The following LY75 variants were observed in gnomAD, a reference collection of about 807,000 sequenced individuals.
LY75 encodes the protein lymphocyte antigen 75, also known as C-type lectin domain family 13 member B.
Under a neutral mutation model 231.7 loss-of-function variants are expected in LY75, and 185 were observed. The observed-to-expected ratio is 0.80, with a 90% CI of 0.71 to 0.90. LY75 has a LOEUF of 0.90. Ranked by LOEUF, LY75 falls within the 40% of genes least tolerant of loss-of-function variation. The probability of loss-of-function intolerance (pLI) is 0.00; values close to 1 mark genes in which losing one functional copy is unlikely to be tolerated. For synonymous variants in LY75, 668 were observed against 689.0 expected (o/e 0.97, Z 0.48); for missense variants, 1,947 against 2,050.2 (o/e 0.95, Z 0.97).
At chr2:159,848,671 G>A (rs13426394) in intron 23 of LY75, among the ~76,000 whole-genome samples, 2 of 152,056 alleles carry the variant, frequency 1.3e-5, no homozygotes, top group African/African-American at 4.8e-5. Context: ...CAAGAAAACA[G>A]TGTATGGAAA....
rs1683135804 is a variant in LY75, at chr2:159,816,938, A to G, written c.4248T>C (p.Tyr1416=). The change falls in exon 30 of 35, where the codon TAT becomes TAC. Residue 1416 remains tyrosine (Y), a synonymous_variant. Coordinates refer to ENST00000263636, the MANE Select transcript of LY75 (RefSeq NM_002349.4). ...YSVIQKKVTW[Y]EALNMCSQSG... ...TTTGAGAACACATGTTTAATGCTTCATACCATGTTACCTTTTTTTGAATAA... is the reference window on the plus strand; with the variant it reads ...TTTGAGAACACATGTTTAATGCTTCGTACCATGTTACCTTTTTTTGAATAA... 1.9e-6 allele frequency: 3 copies of G among 1,614,190 alleles called. No homozygotes were observed. The East Asian group carries it at 6.7e-5, about 36-fold the overall frequency.
At chr2:159,812,141 T>C (rs1682979318) in intron 31 of LY75, 1 of 152,178 alleles carries the variant, frequency 6.6e-6, no homozygotes, top group African/African-American at 2.4e-5. Flanking sequence ...ACCTTTTTTT[T>C]TTTAACATTA....
intron 12 of LY75, among the ~76,000 whole-genome samples, chr2:159,874,229 TTGTAA>T (rs1342436419): frequency 7.2e-3 from 224 of 31,202 alleles, no homozygotes; most frequent in East Asian, 0.015. Context: ...TATAAATATA[TTGTAA>T]ATATATATAT....
intron 3 of LY75, among the ~76,000 whole-genome samples, chr2:159,893,320 T>A (rs1000998451): frequency 1.3e-5 from 2 of 152,222 alleles, no homozygotes; most frequent in Non-Finnish European, 2.9e-5. Context: ...ACCAATCCAC[T>A]CTTCGGTTTC....
chr2:159,825,872 A>C (rs1045189308), intron 28 of LY75, among the ~76,000 whole-genome samples: 4 of 152,214 alleles, frequency 2.6e-5, no homozygotes, highest in Admixed American at 6.5e-5. Context: ...TGATTATCTC[A>C]ATAGTTGCAG....
chr2:159,819,840 T>C lies in LY75; in HGVS notation c.4039A>G (p.Lys1347Glu), dbSNP rs778615587. ...TCAGTACTTAAACCAGCCAAAAACT[T>C]CTCATTTTTTATAGTTGGTCTTCCT... The part of the protein sequence containing the change: ...RAGRPTIKNE[K>E]FLAGLSTDGF... The change falls in exon 29 of 35, where the codon AAG becomes GAG. Residue 1347 changes from lysine (K) to glutamate (E), a missense_variant. By Grantham distance (56) the Lys-to-Glu change is moderately conservative. Transcript: ENST00000263636. The C allele has an allele frequency of 6.2e-7, 1 of 1,614,078 alleles. No individual in the cohort carries two copies. Among genetic ancestry groups the C allele is most frequent in the Admixed American group, 1.7e-5 (1 of 60,026 alleles).
In LY75 at chr2:159,899,045, T is replaced by C. The variant is rs532885292; in HGVS notation, c.109A>G (p.Thr37Ala). Residue 37 changes from threonine (T) to alanine (A), a missense_variant, in exon 2 of 35, where the codon ACC (threonine) becomes GCC (alanine). Transcript: ENST00000263636. The part of the protein sequence containing the change: ...PSGRAANDPF[T>A]IVHGNTGKCI... ...TTGCCCGTATTTCCATGGACGATGG[T>C]GAAGGGGTCATTAGCTGAGTCAAAT... 1 of 1,612,638 alleles carries C rather than the reference T, an allele frequency of 6.2e-7. No individual in the cohort carries two copies. Among genetic ancestry groups the C allele is most frequent in the African/African-American group, 1.3e-5 (1 of 74,996 alleles).
chr2:159,805,657 C>T (rs896876503), intron 34 of LY75, among the ~76,000 whole-genome samples: 1 of 152,224 alleles, frequency 6.6e-6, no homozygotes, highest in Non-Finnish European at 1.5e-5. Context: ...TTAAGTCTCT[C>T]AGATGAGTTC....
chr2:159,806,140 CAT>C (rs1464993902), intron 34 of LY75, among the ~76,000 whole-genome samples: 1 of 152,218 alleles, frequency 6.6e-6, no homozygotes, highest in Admixed American at 6.5e-5. Flanking sequence ...GTCTCCATCA[CAT>C]AGAGTTTATA....
intron 4 of LY75, among the ~76,000 whole-genome samples, chr2:159,888,278 C>T (rs909632615): frequency 6.6e-6 from 1 of 152,156 alleles, no homozygotes; most frequent in African/African-American, 2.4e-5. Context: ...ACTTGGAAGA[C>T]TGAGGTGGGA....
At chr2:159,837,112 C>A (rs1560073919) in intron 25 of LY75, among the ~76,000 whole-genome samples, 1 of 152,172 alleles carries the variant, frequency 6.6e-6, no homozygotes, top group Non-Finnish European at 1.5e-5. Flanking sequence ...AATAGAATTA[C>A]CATTCAACCC....
At position 159,898,102 on chromosome 2, in the gene LY75, CCTT is replaced by C. The variant is rs1235513122; in HGVS notation, c.466+583_466+585del. Among the ~76,000 whole-genome samples, 3 of 152,088 alleles carry C rather than the reference CCTT, an allele frequency of 2.0e-5. No individual in the cohort carries two copies. The East Asian group carries it at 5.8e-4, about 29-fold the overall frequency. On this transcript the variant is annotated intron_variant, in intron 2 of 34. Coordinates refer to ENST00000263636, the MANE Select transcript of LY75 (RefSeq NM_002349.4). Reference sequence around the variant, plus strand: ...GAAAAAATATATTTTTCCTCCTTCTCCTTCTTTTCTTTTTTAAGGATGGGTGTC... The same window carrying C: ...GAAAAAATATATTTTTCCTCCTTCTCCTTTTCTTTTTTAAGGATGGGTGTC...
intron 13 of LY75, among the ~76,000 whole-genome samples, chr2:159,868,340 GA>G (rs1462336289): frequency 6.6e-6 from 1 of 151,972 alleles, no homozygotes; most frequent in Non-Finnish European, 1.5e-5. Context: ...TTTATGATTA[GA>G]AAAAAATTAA....
chr2:159,894,107 G>A (rs1251199796), intron 2 of LY75, 23 bp from the exon 3 acceptor site: 27 of 1,569,664 alleles, frequency 1.7e-5, no homozygotes, highest in African/African-American at 4.1e-5. Context: ...GGAAGTTGGG[G>A]AAAAGAGAGT....
intron 33 of LY75, 120 bp downstream of exon 33, chr2:159,808,329 A>G: frequency 2.6e-6 from 4 of 1,543,868 alleles, no homozygotes; most frequent in Middle Eastern, 1.8e-4. Context: ...GACCTAGCTT[A>G]TTTATCCAGA....
chr2:159,878,176 G>T (rs1685328566), intron 11 of LY75, 148 bp downstream of exon 11: 1 of 1,098,740 alleles, frequency 9.1e-7, no homozygotes, highest in Non-Finnish European at 1.3e-6. Flanking sequence ...CATAGCCACT[G>T]CTTCTATTTA....
chr2:159,811,617 G>GT (rs1264051943), intron 31 of LY75, among the ~76,000 whole-genome samples: 1 of 152,022 alleles, frequency 6.6e-6, no homozygotes, highest in Non-Finnish European at 1.5e-5. Context: ...GGCTTTTTCT[G>GT]TTTTTTTCTC....
chr2:159,833,012 C>T (rs1007714442), intron 27 of LY75, among the ~76,000 whole-genome samples: 2 of 152,122 alleles, frequency 1.3e-5, no homozygotes, highest in Non-Finnish European at 2.9e-5. Flanking sequence ...TAGCTGCTGC[C>T]TTGTGGTGTA....
intron 7 of LY75, 71 bp from the exon 8 acceptor site, chr2:159,881,311 A>T (rs1685430191): frequency 4.7e-6 from 7 of 1,474,170 alleles, no homozygotes; most frequent in Non-Finnish European, 6.3e-6. Flanking sequence ...TGTTATACAA[A>T]TTTTTATATT....
Sources: gnomAD v4.1 joint callset for allele counts (sites outside exome capture counted in the v4.1 genomes callset) on GRCh38, gnomAD v4.1.1 for gene constraint, MANE v1.5 for transcripts, NCBI Gene and HGNC (gene_info 2026-07-23, HGNC 2026-07-21) for gene names.